Variants in DIXDC1 observed in about 807,000 individuals in gnomAD.
DIXDC1 encodes the protein DIX domain containing 1.
DIXDC1 carries 64 observed loss-of-function variants against 103.1 expected under a neutral mutation model. That is an observed-to-expected ratio of 0.62 (90% CI 0.51 to 0.76). The LOEUF (loss-of-function observed/expected upper bound fraction) is 0.76. DIXDC1 is among the 30% of genes least tolerant of loss of function. The pLI is 0.00. For missense variants in DIXDC1, 759 were observed against 834.2 expected (o/e 0.91, Z 1.11); for synonymous variants, 266 against 298.5 (o/e 0.89, Z 1.12).
intron 17 of DIXDC1, among the ~76,000 whole-genome samples, chr11:112,013,200 T>C (rs1861476726): frequency 6.6e-6 from 1 of 151,834 alleles, no homozygotes; most frequent in South Asian, 2.1e-4. Flanking sequence ...CTAGTTCTGT[T>C]GGATCAGGGC....
chr11:111,977,714 A>G lies in DIXDC1; in HGVS notation c.656+2731A>G. 6.5e-7 allele frequency: 1 copy of G among 1,549,078 alleles called. No homozygotes were observed. Among genetic ancestry groups the G allele is most frequent in the Non-Finnish European group, 8.7e-7 (1 of 1,145,972 alleles). On this transcript the variant is annotated intron_variant, in intron 5 of 19. Coordinates refer to ENST00000440460, the MANE Select transcript of DIXDC1 (RefSeq NM_001037954.4). The surrounding 1 kb of genome is among the most constrained non-coding windows in gnomAD (Gnocchi z 6.1). ...TGAATTTGGGAGCGATGTGACTCTCAGCCTCCCACTTCACCCGGGGACGCA... is the reference window on the plus strand; with the variant it reads ...TGAATTTGGGAGCGATGTGACTCTCGGCCTCCCACTTCACCCGGGGACGCA...
chr11:111,944,904 T>C (rs587669134), intron 1 of DIXDC1, among the ~76,000 whole-genome samples: 2 of 152,336 alleles, frequency 1.3e-5, no homozygotes, highest in African/African-American at 2.4e-5. Context: ...TAGAACAAAT[T>C]AGTCATGAAA....
intron 1 of DIXDC1, among the ~76,000 whole-genome samples, chr11:111,943,890 C>G (rs1966506330): frequency 6.6e-6 from 1 of 152,128 alleles, no homozygotes; most frequent in African/African-American, 2.4e-5. Flanking sequence ...GTAAGGGAGA[C>G]TTCTGTACAA....
At chr11:111,932,988 G>C (rs942098325), upstream of DIXDC1, among the ~76,000 whole-genome samples, 3 of 152,216 alleles carry the variant, frequency 2.0e-5, no homozygotes, top group Non-Finnish European at 4.4e-5. Flanking sequence ...ATGAATGAAT[G>C]AGAGGAAAAT....
At chr11:111,978,409 C>G (rs1284853767) in intron 5 of DIXDC1, among the ~76,000 whole-genome samples, 2 of 151,986 alleles carry the variant, frequency 1.3e-5, no homozygotes, top group Non-Finnish European at 2.9e-5. Context: ...TGACATGTGC[C>G]TCGGGAGTTT....
At chr11:111,943,068 G>C (rs1555169018) in intron 1 of DIXDC1, among the ~76,000 whole-genome samples, 2 of 152,168 alleles carry the variant, frequency 1.3e-5, no homozygotes, top group Non-Finnish European at 2.9e-5. Flanking sequence ...GAAACAGAGT[G>C]GGATGGCACA....
intron 1 of DIXDC1, among the ~76,000 whole-genome samples, chr11:111,961,457 A>G (rs1859575036): frequency 6.6e-6 from 1 of 152,228 alleles, no homozygotes; most frequent in African/African-American, 2.4e-5. Context: ...TAAATACAAA[A>G]ACATCTCCCT....
rs1211185396 is a variant in DIXDC1, at chr11:111,964,532, T to C, written c.61-17T>C. Reference sequence around the variant, plus strand: ...TAATATGCTCTCTTTCCCTTACTTATATCTTTTATTTTCCAGCAACAGCTG... The same window carrying C: ...TAATATGCTCTCTTTCCCTTACTTACATCTTTTATTTTCCAGCAACAGCTG... On this transcript the variant is annotated splice_polypyrimidine_tract_variant and intron_variant, in intron 1 of 19. Coordinates refer to ENST00000440460, the MANE Select transcript of DIXDC1 (RefSeq NM_001037954.4). The C allele has an allele frequency of 3.2e-6, 5 of 1,579,386 alleles. No individual in the cohort carries two copies. The highest frequency in any genetic ancestry group is 4.3e-6 in the Non-Finnish European group (5 of 1,161,936).
intron 17 of DIXDC1, among the ~76,000 whole-genome samples, chr11:111,999,742 G>A (rs1372538461): frequency 6.6e-6 from 1 of 152,088 alleles, no homozygotes; most frequent in African/African-American, 2.4e-5. Flanking sequence ...GTGGGCACCT[G>A]TAATCCCAGC....
chr11:111,986,786 T>C, intron 8 of DIXDC1, 85 bp from the exon 9 acceptor site: 1 of 1,218,072 alleles, frequency 8.2e-7, no homozygotes, highest in Non-Finnish European at 1.2e-6. Flanking sequence ...TGGCATCTAG[T>C]AGTGCTCAAT....
chr11:112,016,686 T>G lies in DIXDC1; in HGVS notation c.1757-5T>G. ...GTTCTAACCACAGTCTCTTTCTGAT[T>G]GTAGAGTTGCCTCACTCACAGAGCT... On this transcript the variant is annotated splice_region_variant and splice_polypyrimidine_tract_variant and intron_variant, in intron 17 of 19. Coordinates refer to ENST00000440460, the MANE Select transcript of DIXDC1 (RefSeq NM_001037954.4). 6.3e-7 allele frequency: 1 copy of G among 1,590,932 alleles called. No individual in the cohort carries two copies. The highest frequency in any genetic ancestry group is 8.6e-7 in the Non-Finnish European group (1 of 1,169,354).
At chr11:112,008,383 C>T (rs1182167882) in intron 17 of DIXDC1, among the ~76,000 whole-genome samples, 1 of 152,166 alleles carries the variant, frequency 6.6e-6, no homozygotes, top group African/African-American at 2.4e-5. Context: ...TTACACCCCA[C>T]TGTCAATATT....
chr11:111,982,113 GT>G, intron 6 of DIXDC1: 1 of 404,594 alleles, frequency 2.5e-6, no homozygotes, highest in East Asian at 3.6e-5. Context: ...CTTCCTAAGA[GT>G]TTTAAAAGAG....
At chr11:111,978,418 T>C (rs1287568700) in intron 5 of DIXDC1, among the ~76,000 whole-genome samples, 4 of 152,090 alleles carry the variant, frequency 2.6e-5, no homozygotes, top group African/African-American at 9.7e-5. Flanking sequence ...CCTCGGGAGT[T>C]TCCTGCCTGA....
chr11:111,996,345 G>C lies in DIXDC1; in HGVS notation c.1756+199G>C, dbSNP rs587627901. 2.7e-4 allele frequency: 124 copies of C among 459,856 alleles called. No homozygotes were observed. The South Asian group carries it at 3.4e-3, about 12-fold the overall frequency. 28.5% of individuals were successfully genotyped at this position (459,856 alleles called of 1,614,324 possible). On this transcript the variant is annotated intron_variant, in intron 17 of 19. Transcript: ENST00000440460. The stretch of plus-strand genomic sequence containing the variant: ...CCATCACCACCCCCAGTGCCATTTA[G>C]CCACGTGCAGGCAGGATGCTGTTGA...
intron 17 of DIXDC1, among the ~76,000 whole-genome samples, chr11:112,005,218 T>A (rs1257117257): frequency 6.6e-6 from 1 of 151,982 alleles, no homozygotes; most frequent in Non-Finnish European, 1.5e-5. Context: ...AGTAAAAAGA[T>A]GGATAAAGAT....
chr11:111,985,438 T>C, intron 8 of DIXDC1, 117 bp downstream of exon 8: 1 of 783,506 alleles, frequency 1.3e-6, no homozygotes, highest in Non-Finnish European at 2.0e-6. Context: ...CAGTTCTGGT[T>C]TTCCTCCTAC....
At chr11:112,010,594 TA>T (rs1227024946) in intron 17 of DIXDC1, among the ~76,000 whole-genome samples, 2 of 152,084 alleles carry the variant, frequency 1.3e-5, no homozygotes, top group Non-Finnish European at 2.9e-5. Flanking sequence ...GTACTGGTAC[TA>T]AAACAGATAT....
chr11:111,993,273 T>G (rs1860766137), intron 12 of DIXDC1, among the ~76,000 whole-genome samples: 1 of 152,306 alleles, frequency 6.6e-6, no homozygotes, highest in South Asian at 2.1e-4. Context: ...GAATGGCTCA[T>G]AGTGGTCCTC....
Sources: allele counts gnomAD v4.1 joint callset (sites outside exome capture counted in the v4.1 genomes callset), GRCh38; gene constraint gnomAD v4.1.1; non-coding constraint Gnocchi (gnomAD v3.1); transcripts MANE v1.5; gene names NCBI Gene and HGNC (gene_info 2026-07-23, HGNC 2026-07-21).